Variants in NXPH1 observed in about 807,000 individuals in gnomAD.
NXPH1 encodes the protein neurexophilin 1.
In NXPH1, 5 loss-of-function variants were observed where a neutral mutation model predicts 23.7. That is an observed-to-expected ratio of 0.21 (90% CI 0.11 to 0.44). The LOEUF is 0.44. Ranked by LOEUF, NXPH1 falls within the 20% of genes least tolerant of loss-of-function variation. NXPH1 has a pLI of 0.99. For synonymous variants in NXPH1, 144 were observed against 122.2 expected, an observed-to-expected ratio of 1.18 and a Z score of -1.18; for missense variants, 324 against 321.6, an observed-to-expected ratio of 1.01 and a Z score of -0.06.
At chr7:8,452,610 A>AT (rs1190221580) in intron 2 of NXPH1, among the ~76,000 whole-genome samples, 9 of 152,284 alleles carry the variant, frequency 5.9e-5, no homozygotes, top group Non-Finnish European at 1.0e-4. Context: ...CAAGCAATTA[A>AT]TTAGGATCCT....
chr7:8,543,218 A>G (rs780186906), intron 2 of NXPH1, among the ~76,000 whole-genome samples: 12 of 151,510 alleles, frequency 7.9e-5, no homozygotes, highest in Non-Finnish European at 1.6e-4. Context: ...ACTCCCACCT[A>G]TGTATTTTTG....
chr7:8,626,882 T>G (rs973033197), intron 2 of NXPH1, among the ~76,000 whole-genome samples: 2 of 152,082 alleles, frequency 1.3e-5, no homozygotes, highest in African/African-American at 4.8e-5. Flanking sequence ...CTTCTATTCT[T>G]CCTATACACC....
chr7:8,544,507 T>G (rs1818171151), intron 2 of NXPH1, among the ~76,000 whole-genome samples: 1 of 151,652 alleles, frequency 6.6e-6, no homozygotes, highest in Non-Finnish European at 1.5e-5. Context: ...ATGCTTGGCA[T>G]TTGAAATGAT....
intron 2 of NXPH1, among the ~76,000 whole-genome samples, chr7:8,650,763 AG>A (rs1820477905): frequency 6.6e-6 from 1 of 152,192 alleles, no homozygotes; most frequent in East Asian, 1.9e-4. Context: ...GACTGGAAAA[AG>A]TGAAATGACA....
chr7:8,658,857 AC>A (rs1284377511), intron 2 of NXPH1, among the ~76,000 whole-genome samples: 6 of 152,180 alleles, frequency 3.9e-5, no homozygotes, highest in African/African-American at 1.4e-4. Flanking sequence ...TGATTTTGGG[AC>A]AGGGTAGTTT....
At chr7:8,711,229 C>T (rs1025962707) in intron 2 of NXPH1, among the ~76,000 whole-genome samples, 1 of 152,046 alleles carries the variant, frequency 6.6e-6, no homozygotes, top group African/African-American at 2.4e-5. Context: ...TTTTTTGACC[C>T]CATTGGCCTT....
At chr7:8,705,483 C>A (rs1779688216) in intron 2 of NXPH1, among the ~76,000 whole-genome samples, 1 of 152,150 alleles carries the variant, frequency 6.6e-6, no homozygotes, top group Admixed American at 6.6e-5. Flanking sequence ...GTGCCACCAC[C>A]AAAAGCTTGA....
intron 2 of NXPH1, among the ~76,000 whole-genome samples, chr7:8,736,726 G>A (rs1025170813): frequency 3.9e-5 from 6 of 152,100 alleles, no homozygotes; most frequent in South Asian, 4.1e-4. Context: ...ATTGACAGTG[G>A]GGTGTTAAAG....
At chr7:8,566,741 G>A (rs1195709429) in intron 2 of NXPH1, among the ~76,000 whole-genome samples, 3 of 151,862 alleles carry the variant, frequency 2.0e-5, no homozygotes, top group East Asian at 2.0e-4. Context: ...CTTGGACTGA[G>A]CCATGCTACC....
At chr7:8,584,338 C>T (rs1490620024) in intron 2 of NXPH1, among the ~76,000 whole-genome samples, 1 of 152,192 alleles carries the variant, frequency 6.6e-6, no homozygotes, top group African/African-American at 2.4e-5. Flanking sequence ...TCCCCAATCC[C>T]TGTAGGAGCA....
chr7:8,588,558 C>T (rs1819026020), intron 2 of NXPH1, among the ~76,000 whole-genome samples: 1 of 152,158 alleles, frequency 6.6e-6, no homozygotes, highest in Non-Finnish European at 1.5e-5. Context: ...TTGTTCAAGG[C>T]TCCCAGGCTT....
intron 2 of NXPH1, among the ~76,000 whole-genome samples, chr7:8,639,554 C>CT (rs2115141737): frequency 6.6e-6 from 1 of 151,940 alleles, no homozygotes; most frequent in South Asian, 2.1e-4. Context: ...TTGACATTTT[C>CT]TTAATTATTA....
intron 2 of NXPH1, among the ~76,000 whole-genome samples, chr7:8,513,137 T>G (rs1324327549): frequency 6.6e-6 from 1 of 152,052 alleles, no homozygotes; most frequent in Non-Finnish European, 1.5e-5. Flanking sequence ...ACTACCCAAG[T>G]AATGAGAGAA....
chr7:8,612,109 G>A (rs12538889), intron 2 of NXPH1, among the ~76,000 whole-genome samples: 54,954 of 151,680 alleles, frequency 0.36, 11,076 homozygotes, highest in African/African-American at 0.55. Flanking sequence ...GGCATGTTCA[G>A]TGTTTGAGTT....
intron 2 of NXPH1, among the ~76,000 whole-genome samples, chr7:8,670,468 G>A (rs1820851406): frequency 6.6e-6 from 1 of 152,062 alleles, no homozygotes; most frequent in African/African-American, 2.4e-5. Context: ...AGATTTAATG[G>A]TACTAACTAT....
rs1399010822 is a variant in NXPH1, at chr7:8,552,131, A to C, written c.54+116364A>C. The stretch of plus-strand genomic sequence containing the variant: ...AAAAAAACCAAAAAAAAAAAAAAAA[A>C]AAAAAAAAAAACCACCAAAACCACA... On this transcript the variant is annotated intron_variant, in intron 2 of 2. Coordinates refer to ENST00000405863, the MANE Select transcript of NXPH1 (RefSeq NM_152745.3). Among the ~76,000 whole-genome samples, 568 of 148,834 alleles carry C rather than the reference A, an allele frequency of 3.8e-3. 14 individuals are homozygous for C. The highest frequency in any genetic ancestry group is 0.034 in the East Asian group (172 of 5,070).
At chr7:8,712,193 C>T (rs186463884) in intron 2 of NXPH1, among the ~76,000 whole-genome samples, 190 of 152,236 alleles carry the variant, frequency 1.2e-3, no homozygotes, top group African/African-American at 4.1e-3. Context: ...AGTATGTGCC[C>T]CTAAATCAGT....
chr7:8,466,440 T>C (rs926719532), intron 2 of NXPH1, among the ~76,000 whole-genome samples: 5 of 152,170 alleles, frequency 3.3e-5, no homozygotes, highest in Non-Finnish European at 7.4e-5. Flanking sequence ...AGGCTGCTCT[T>C]TGCAATTTTA....
intron 2 of NXPH1, among the ~76,000 whole-genome samples, chr7:8,459,074 C>A (rs780476911): frequency 1.3e-5 from 2 of 151,168 alleles, no homozygotes; most frequent in Non-Finnish European, 2.9e-5. Context: ...CTGATCTATT[C>A]ATGATTTTTC....
Sources: gnomAD v4.1 joint callset for allele counts (sites outside exome capture counted in the v4.1 genomes callset) on GRCh38, gnomAD v4.1.1 for gene constraint, MANE v1.5 for transcripts, NCBI Gene and HGNC (gene_info 2026-07-23, HGNC 2026-07-21) for gene names.